Variants in LIPC observed in about 807,000 individuals in gnomAD.
The protein encoded by LIPC is hepatic triacylglycerol lipase.
In LIPC, 44 loss-of-function variants were observed where a neutral mutation model predicts 50.7. The ratio of observed to expected loss-of-function variants is 0.87; its 90% CI spans 0.68 to 1.11. LIPC has a LOEUF of 1.11. Ranked by LOEUF, LIPC falls within the 50% of genes most tolerant of loss-of-function variation. The probability of loss-of-function intolerance (pLI) is 0.00; values close to 1 mark genes in which losing one functional copy is unlikely to be tolerated. For synonymous variants in LIPC, 271 were observed against 256.4 expected (o/e 1.06, Z -0.54); for missense variants, 697 against 648.2 (o/e 1.08, Z -0.82).
chr15:58,541,775 C>T lies in LIPC; in HGVS notation c.274-10C>T, dbSNP rs1460879084. On this transcript the variant is annotated splice_polypyrimidine_tract_variant and intron_variant, in intron 2 of 8. Transcript: ENST00000299022. ...AAACTAGTGCGACCCTCCCTCTGTC[C>T]CCTCCTCAGGTGGACGGCGTGCTAG... The T allele has an allele frequency of 6.2e-7, 1 of 1,612,748 alleles. No homozygotes were observed.
At chr15:58,487,820 A>T (rs1458961712) in intron 1 of LIPC, among the ~76,000 whole-genome samples, 1 of 152,222 alleles carries the variant, frequency 6.6e-6, no homozygotes, top group Non-Finnish European at 1.5e-5. Flanking sequence ...GCCCGAGGTC[A>T]TCTTGTGTTG....
In LIPC at chr15:58,485,530, A is replaced by C. The variant is rs145079317; in HGVS notation, c.89-52803A>C. Among the ~76,000 whole-genome samples the C allele has an allele frequency of 4.3e-3, 575 of 134,552 alleles. 4 individuals are homozygous for C. Among genetic ancestry groups the C allele is most frequent in the African/African-American group, 0.015 (546 of 37,142 alleles). 88.3% of individuals were successfully genotyped at this position (134,552 alleles called of 152,430 possible). On this transcript the variant is annotated intron_variant, in intron 1 of 8. Transcript: ENST00000299022. The stretch of plus-strand genomic sequence containing the variant: ...CCCTCGCACGTGCTGATCTCGGGCT[A>C]AGGGCTGTTTCCTTCCTTCGACTGA...
chr15:58,496,126 A>C (rs868518808), intron 1 of LIPC, among the ~76,000 whole-genome samples: 3 of 152,132 alleles, frequency 2.0e-5, no homozygotes, highest in Admixed American at 6.5e-5. Context: ...GTGGTTCTCA[A>C]CTGGGATGGT....
intron 6 of LIPC, among the ~76,000 whole-genome samples, chr15:58,551,934 A>G (rs1893776257): frequency 6.6e-6 from 1 of 152,250 alleles, no homozygotes; most frequent in South Asian, 2.1e-4. Flanking sequence ...GAACTCGGGT[A>G]AACACTGCGA....
At chr15:58,472,212 A>C (rs1890833267) in intron 1 of LIPC, among the ~76,000 whole-genome samples, 1 of 149,790 alleles carries the variant, frequency 6.7e-6, no homozygotes, top group Non-Finnish European at 1.5e-5. Context: ...CAGAGGTTGC[A>C]ATGAGCAAAG....
At chr15:58,495,366 G>A (rs765796167) in intron 1 of LIPC, among the ~76,000 whole-genome samples, 6 of 152,174 alleles carry the variant, frequency 3.9e-5, no homozygotes, top group South Asian at 4.1e-4. Context: ...TGCAACCTTC[G>A]TAGATACTCT....
intron 1 of LIPC, among the ~76,000 whole-genome samples, chr15:58,502,509 C>CTTTTT (rs11332551): frequency 1.6e-4 from 23 of 144,486 alleles, no homozygotes; most frequent in Admixed American, 2.1e-4. Context: ...GTAATTTTCT[C>CTTTTT]TTTTTTTTTT....
At chr15:58,461,915 G>C (rs537061610) in intron 1 of LIPC, among the ~76,000 whole-genome samples, 22 of 149,254 alleles carry the variant, frequency 1.5e-4, no homozygotes, top group African/African-American at 5.5e-4. Flanking sequence ...CACCTGCCTC[G>C]TGCTGTCCCC....
chr15:58,497,806 G>C (rs947647174), intron 1 of LIPC: 1 of 152,146 alleles, frequency 6.6e-6, no homozygotes, highest in Admixed American at 6.5e-5. Context: ...CCACCTTCAG[G>C]GTCCTCCCTT....
intron 1 of LIPC, among the ~76,000 whole-genome samples, chr15:58,490,486 C>T (rs1158935733): frequency 2.0e-5 from 3 of 152,260 alleles, no homozygotes; most frequent in South Asian, 4.1e-4. Context: ...CACTGAGAGC[C>T]GGCGCCGTTC....
At chr15:58,508,732 TTG>T (rs139083678) in intron 1 of LIPC, among the ~76,000 whole-genome samples, 89,490 of 144,066 alleles carry the variant, frequency 0.62, 26,725 homozygotes, top group Middle Eastern at 0.67. Context: ...CAGTTTTTTT[TTG>T]GACACCTTTT....
rs573017886 is a variant in LIPC at position 58,479,687 on chromosome 15, G to A, written c.88+47567G>A. 4.6e-5 allele frequency among the ~76,000 whole-genome samples: 7 copies of A among 152,280 alleles called. No homozygotes were observed. In the South Asian group the frequency reaches 1.0e-3, roughly 23 times the overall value. On this transcript the variant is annotated intron_variant, in intron 1 of 8. Transcript: ENST00000299022. ...CCATCTTTTCTTACAGAATTGTTTTGTTACAAGGGTATGTGGCTTGGACGA... is the reference window on the plus strand; with the variant it reads ...CCATCTTTTCTTACAGAATTGTTTTATTACAAGGGTATGTGGCTTGGACGA...
chr15:58,561,784 T>C (rs1011889784), intron 7 of LIPC, among the ~76,000 whole-genome samples: 2 of 152,196 alleles, frequency 1.3e-5, no homozygotes, highest in African/African-American at 4.8e-5. Flanking sequence ...AAAAGTCTGC[T>C]TCATCAGTCT....
At chr15:58,515,407 T>C (rs1892454155) in intron 1 of LIPC, among the ~76,000 whole-genome samples, 1 of 152,150 alleles carries the variant, frequency 6.6e-6, no homozygotes, top group Non-Finnish European at 1.5e-5. Context: ...ACTCAGCAAA[T>C]ACCATAGAGC....
intron 1 of LIPC, among the ~76,000 whole-genome samples, chr15:58,510,703 T>C (rs1436861601): frequency 6.6e-6 from 1 of 152,218 alleles, no homozygotes; most frequent in Non-Finnish European, 1.5e-5. Context: ...CACTAAGACA[T>C]CAGGTTTTAA....
At chr15:58,433,527 T>C (rs1184412671) in intron 1 of LIPC, among the ~76,000 whole-genome samples, 1 of 152,250 alleles carries the variant, frequency 6.6e-6, no homozygotes, top group Non-Finnish European at 1.5e-5. Flanking sequence ...TGCAGTTTCG[T>C]GGAGTTGAGG....
chr15:58,459,076 G>A (rs1894240088), intron 1 of LIPC, among the ~76,000 whole-genome samples: 1 of 152,206 alleles, frequency 6.6e-6, no homozygotes, highest in African/African-American at 2.4e-5. Flanking sequence ...AAGAGGGAGA[G>A]ATGGTAGTCA....
chr15:58,498,287 GT>G (rs1891845872), intron 1 of LIPC, among the ~76,000 whole-genome samples: 1 of 152,094 alleles, frequency 6.6e-6, no homozygotes, highest in African/African-American at 2.4e-5. Flanking sequence ...CAAGGATGTG[GT>G]TCAATAGGTC....
intron 1 of LIPC, among the ~76,000 whole-genome samples, chr15:58,490,452 C>A (rs1460434201): frequency 6.6e-6 from 1 of 152,216 alleles, no homozygotes; most frequent in Non-Finnish European, 1.5e-5. Context: ...GAAACGGCAT[C>A]ACCAACATTT....
Sources: allele counts gnomAD v4.1 joint callset (sites outside exome capture counted in the v4.1 genomes callset), GRCh38; gene constraint gnomAD v4.1.1; transcripts MANE v1.5; gene names NCBI Gene and HGNC (gene_info 2026-07-23, HGNC 2026-07-21).